Variants in DHRSX observed in about 807,000 individuals in gnomAD.
DHRSX encodes polyprenol dehydrogenase.
A neutral mutation model predicts 34.0 loss-of-function variants in DHRSX; 31 were observed. That is an observed-to-expected ratio of 0.91 (90% CI 0.69 to 1.23). DHRSX has a LOEUF of 1.23. Ranked by LOEUF, DHRSX falls within the 50% of genes most tolerant of loss-of-function variation. The pLI, the probability that DHRSX is intolerant of heterozygous loss-of-function variation, is 0.00. For missense variants in DHRSX, 414 were observed against 428.1 expected, an observed-to-expected ratio of 0.97 and a Z score of 0.29; for synonymous variants, 201 against 183.8, an observed-to-expected ratio of 1.09 and a Z score of -0.76.
At chrX:2,458,286 C>T (rs2044340497) in intron 1 of DHRSX, among the ~76,000 whole-genome samples, 1 of 152,154 alleles carries the variant, frequency 6.6e-6, no homozygotes, top group Non-Finnish European at 1.5e-5. Context: ...GCCTGCAAAA[C>T]ATCAGAGCAA....
At chrX:2,488,853 C>T (rs757594058) in intron 1 of DHRSX, 4 of 1,613,606 alleles carry the variant, frequency 2.5e-6, no homozygotes, top group East Asian at 2.2e-5. Context: ...GCGGCGGATC[C>T]GAAGAGACGC....
chrX:2,292,468 G>A (rs1489139961), intron 3 of DHRSX, among the ~76,000 whole-genome samples: 2 of 152,154 alleles, frequency 1.3e-5, no homozygotes, highest in East Asian at 3.8e-4. Flanking sequence ...TAGTAAGTAT[G>A]AGCCCTTCCA....
At chrX:2,482,785 T>G (rs2044794532) in intron 1 of DHRSX, among the ~76,000 whole-genome samples, 1 of 152,124 alleles carries the variant, frequency 6.6e-6, no homozygotes, top group African/African-American at 2.4e-5. Context: ...ACAAATAAAA[T>G]AGGAGTCCGG....
At chrX:2,397,151 A>G (rs2043422149) in intron 3 of DHRSX, among the ~76,000 whole-genome samples, 1 of 151,704 alleles carries the variant, frequency 6.6e-6, no homozygotes, top group African/African-American at 2.4e-5. Flanking sequence ...AGGCACGCAC[A>G]CCACGCCTGA....
Position 2,464,448 on chromosome X carries a change from ACCGCCGC to A in DHRSX, c.109+36362_109+36368del, listed in dbSNP as rs1569503932. 9.2e-4 allele frequency among the ~76,000 whole-genome samples: 78 copies of A among 84,390 alleles called. 1 individual carries two copies. The highest frequency in any genetic ancestry group is 1.7e-3 in the Admixed American group (16 of 9,280). 55.4% of individuals were successfully genotyped at this position (84,390 alleles called of 152,430 possible). A position where few individuals can be genotyped will look rare whatever the true frequency, so the allele number is the denominator to read the frequency against. On this transcript the variant is annotated intron_variant, in intron 1 of 6. Transcript: ENST00000334651. ...TGTTCCCTAAGAATGTGGGTAAGGGACCGCCGCCATGTTCGCACTGAAGACGCTCCCT... is the reference window on the plus strand; with the variant it reads ...TGTTCCCTAAGAATGTGGGTAAGGGACATGTTCGCACTGAAGACGCTCCCT...
intron 3 of DHRSX, among the ~76,000 whole-genome samples, chrX:2,303,869 G>GTGGATGGA (rs1327067543): frequency 9.2e-6 from 1 of 108,272 alleles, no homozygotes. Flanking sequence ...GGGTGGATGG[G>GTGGATGGA]TGGATGGGTG....
At chrX:2,485,126 C>G (rs4892840) in intron 1 of DHRSX, among the ~76,000 whole-genome samples, 3,816 of 152,060 alleles carry the variant, frequency 0.025, 58 homozygotes, top group Middle Eastern at 0.041. Flanking sequence ...AAAACCGAAC[C>G]GAAAAATCCC....
intron 1 of DHRSX, among the ~76,000 whole-genome samples, chrX:2,431,630 T>C (rs2043924198): frequency 1.3e-5 from 2 of 152,146 alleles, no homozygotes; most frequent in Admixed American, 1.3e-4. Context: ...GAGGAGGCCA[T>C]TCTCCTATGT....
chrX:2,328,091 G>A lies in DHRSX; in HGVS notation c.287-36488C>T, dbSNP rs866093758. On this transcript the variant is annotated intron_variant, in intron 3 of 6. Transcript: ENST00000334651. The stretch of plus-strand genomic sequence containing the variant: ...CGAGACTCCGTCTCAAAAAAAAAAA[G>A]AGGAGGAGATGAGGACACAGACACA... Among the ~76,000 whole-genome samples, 127 of 60,968 alleles carry A rather than the reference G, an allele frequency of 2.1e-3. 2 individuals carry two copies. The highest frequency in any genetic ancestry group is 3.6e-3 in the African/African-American group (57 of 15,794). 40.0% of individuals were successfully genotyped at this position (60,968 alleles called of 152,430 possible).
intron 1 of DHRSX, among the ~76,000 whole-genome samples, chrX:2,434,192 G>A (rs141116126): frequency 6.6e-6 from 1 of 152,120 alleles, no homozygotes; most frequent in Non-Finnish European, 1.5e-5. Flanking sequence ...GTTCAGTCTC[G>A]CTGACAATGA....
chrX:2,384,428 T>C lies in DHRSX; in HGVS notation c.286+24317A>G, dbSNP rs752966296. ...CTAAGGAAAGGTGTGTAGTGTGAGA[T>C]GCTACGAGGAAACGCTGAGGAAAGG... On this transcript the variant is annotated intron_variant, in intron 3 of 6. Transcript: ENST00000334651. Among the ~76,000 whole-genome samples, 8 of 152,060 alleles carry C rather than the reference T, an allele frequency of 5.3e-5. No homozygotes were observed. In the South Asian group the frequency reaches 1.7e-3, roughly 32 times the overall value.
intron 6 of DHRSX, among the ~76,000 whole-genome samples, chrX:2,223,374 C>T (rs1045514502): frequency 9.8e-5 from 15 of 152,300 alleles, no homozygotes; most frequent in East Asian, 7.7e-4. Flanking sequence ...TCCCCAGCCA[C>T]ATGGAACTGA....
At chrX:2,488,637 A>G in intron 1 of DHRSX, 3 of 1,597,800 alleles carry the variant, frequency 1.9e-6, no homozygotes, top group Non-Finnish European at 2.6e-6. Flanking sequence ...CTTCCTCGCT[A>G]CAGGAAGCTG....
At chrX:2,272,421 C>T (rs2041569937) in intron 4 of DHRSX, among the ~76,000 whole-genome samples, 1 of 152,156 alleles carries the variant, frequency 6.6e-6, no homozygotes, top group Non-Finnish European at 1.5e-5. Flanking sequence ...ATTCTTTTGA[C>T]ACTCGTCTCC....
At chrX:2,333,537 C>T (rs1284977806) in intron 3 of DHRSX, among the ~76,000 whole-genome samples, 2 of 152,136 alleles carry the variant, frequency 1.3e-5, no homozygotes, top group African/African-American at 4.8e-5. Flanking sequence ...GCCTCAGCCT[C>T]CCGAGTAGCT....
intron 1 of DHRSX, among the ~76,000 whole-genome samples, chrX:2,445,514 A>T (rs774907245): frequency 6.6e-6 from 1 of 152,238 alleles, no homozygotes; most frequent in African/African-American, 2.4e-5. Flanking sequence ...TCCTCCCCCA[A>T]ATTCCTGCGT....
At chrX:2,243,788 G>GTTTTTTTTTTTTTTTTTT (rs778957532) in intron 5 of DHRSX, among the ~76,000 whole-genome samples, 20 of 25,150 alleles carry the variant, frequency 8.0e-4, no homozygotes, top group South Asian at 2.5e-3. Context: ...TATGCTCCCT[G>GTTTTTTTTTTTTTTTTTT]TTTTTTTTTT....
intron 1 of DHRSX, among the ~76,000 whole-genome samples, chrX:2,447,030 G>T (rs1238480911): frequency 6.6e-6 from 1 of 151,248 alleles, no homozygotes; most frequent in Non-Finnish European, 1.5e-5. Context: ...CCAAGGGACC[G>T]CCACGGGTAC....
In DHRSX at chrX:2,259,397, T is replaced by TAG. The variant is rs1602820480; in HGVS notation, c.596+7342_596+7343insCT. Among the ~76,000 whole-genome samples, 6 of 85,444 alleles carry TAG rather than the reference T, an allele frequency of 7.0e-5. 1 individual carries two copies. Among genetic ancestry groups the TAG allele is most frequent in the South Asian group, 5.1e-4 (2 of 3,936 alleles). The allele number at this position is 85,444 out of a possible 152,430, so 56.1% of individuals were successfully genotyped here. ...ATAGATATATATATAGATATATAGA[T>TAG]ATATATATAGATATAGATATATACA... On this transcript the variant is annotated intron_variant, in intron 5 of 6. Coordinates refer to ENST00000334651, the MANE Select transcript of DHRSX (RefSeq NM_145177.3).
Sources: gnomAD v4.1 joint callset for allele counts (sites outside exome capture counted in the v4.1 genomes callset) on GRCh38, gnomAD v4.1.1 for gene constraint, MANE v1.5 for transcripts, NCBI Gene and HGNC (gene_info 2026-07-23, HGNC 2026-07-21) for gene names.